PMFBP1: variants seen among roughly 807,000 people sequenced by gnomAD.
PMFBP1 encodes polyamine modulated factor 1 binding protein 1.
PMFBP1 carries 131 observed loss-of-function variants against 137.8 expected under a neutral mutation model. The observed-to-expected ratio is 0.95, with a 90% confidence interval of 0.82 to 1.10. The LOEUF is 1.10. Among genes scored for constraint, PMFBP1 ranks in the 50% least tolerant of loss-of-function variants. PMFBP1 has a pLI of 0.00. For missense variants in PMFBP1, 1,199 were observed against 1,175.4 expected (o/e 1.02, Z -0.29); for synonymous variants, 490 against 450.4 (o/e 1.09, Z -1.11).
intron 4 of PMFBP1, among the ~76,000 whole-genome samples, chr16:72,153,381 CTT>C (rs2042931869): frequency 6.6e-6 from 1 of 152,218 alleles, no homozygotes; most frequent in Admixed American, 6.5e-5. Flanking sequence ...CCAAAACACT[CTT>C]TGAAATTTTT....
intron 2 of PMFBP1, among the ~76,000 whole-genome samples, chr16:72,169,095 A>C (rs2144523061): frequency 1.3e-5 from 2 of 152,308 alleles, no homozygotes; most frequent in Middle Eastern, 3.4e-3. Context: ...GCATTTCAAC[A>C]TGAAAATCGG....
chr16:72,154,955 C>T (rs2042959620), intron 3 of PMFBP1, among the ~76,000 whole-genome samples: 1 of 152,126 alleles, frequency 6.6e-6, no homozygotes, highest in Non-Finnish European at 1.5e-5. Context: ...TGTTCAGGTA[C>T]ATCTGGGCAC....
At chr16:72,186,719 T>C in the PMFBP1 span, among the ~76,000 whole-genome samples, 2 of 151,912 alleles carry the variant, frequency 1.3e-5, no homozygotes, top group Non-Finnish European at 2.9e-5. Context: ...TTGAGCAGAG[T>C]GATAGGTGTG....
At chr16:72,227,781 T>C in the PMFBP1 span, among the ~76,000 whole-genome samples, 3 of 152,208 alleles carry the variant, frequency 2.0e-5, no homozygotes, top group African/African-American at 4.8e-5. Context: ...CTGCAAAATA[T>C]TGATAATATT....
chr16:72,168,864 T>C (rs1356476581), intron 2 of PMFBP1, among the ~76,000 whole-genome samples: 3 of 152,184 alleles, frequency 2.0e-5, no homozygotes, highest in Non-Finnish European at 2.9e-5. Context: ...CTGAAGCAAA[T>C]TTTCTGTATT....
chr16:72,228,435 A>G, the PMFBP1 span, among the ~76,000 whole-genome samples: 1 of 152,180 alleles, frequency 6.6e-6, no homozygotes, highest in African/African-American at 2.4e-5. Context: ...AATGGACTCC[A>G]TCTGCACATC....
intron 5 of PMFBP1, among the ~76,000 whole-genome samples, chr16:72,143,943 A>G (rs2042763016): frequency 6.6e-6 from 1 of 152,142 alleles, no homozygotes; most frequent in Non-Finnish European, 1.5e-5. Context: ...CGGGAGGCTG[A>G]GGCAGGAGAA....
chr16:72,161,753 T>C (rs2043065868), intron 3 of PMFBP1, among the ~76,000 whole-genome samples: 1 of 152,186 alleles, frequency 6.6e-6, no homozygotes, highest in African/African-American at 2.4e-5. Flanking sequence ...CACCAGTTTT[T>C]CCACTAACGT....
intron 2 of PMFBP1, among the ~76,000 whole-genome samples, chr16:72,170,219 T>A (rs1395378889): frequency 6.6e-6 from 1 of 151,198 alleles, no homozygotes; most frequent in Non-Finnish European, 1.5e-5. Flanking sequence ...AGAAAATCCA[T>A]ACGAGATCCT....
chr16:72,151,200 G>A (rs1036185849), intron 4 of PMFBP1, among the ~76,000 whole-genome samples: 2 of 152,158 alleles, frequency 1.3e-5, no homozygotes, highest in Non-Finnish European at 2.9e-5. Context: ...ATTCTCTAGA[G>A]GTTGAACTTA....
At chr16:72,198,253 G>C in the PMFBP1 span, among the ~76,000 whole-genome samples, 1 of 152,108 alleles carries the variant, frequency 6.6e-6, no homozygotes, top group Non-Finnish European at 1.5e-5. Flanking sequence ...ACACATCATA[G>C]AGTGAGGCCA....
chr16:72,228,239 C>T, the PMFBP1 span, among the ~76,000 whole-genome samples: 3 of 152,164 alleles, frequency 2.0e-5, no homozygotes, highest in African/African-American at 7.2e-5. Context: ...GCTAAGGCTA[C>T]TCTGAACACA....
the PMFBP1 span, among the ~76,000 whole-genome samples, chr16:72,236,791 G>C: frequency 2.6e-5 from 4 of 152,204 alleles, no homozygotes; most frequent in Admixed American, 2.0e-4. Context: ...CAAAGAGACA[G>C]TCATCTCATA....
chr16:72,155,356 G>T (rs2042965645), intron 3 of PMFBP1, among the ~76,000 whole-genome samples: 1 of 152,116 alleles, frequency 6.6e-6, no homozygotes. Context: ...TTTAAATCCT[G>T]CTCTCCTTCC....
chr16:72,167,828 T>TC (rs2043167033), intron 2 of PMFBP1, among the ~76,000 whole-genome samples: 1 of 152,220 alleles, frequency 6.6e-6, no homozygotes. Context: ...ACCAGATTGT[T>TC]CCCCATGGAG....
intron 10 of PMFBP1, among the ~76,000 whole-genome samples, chr16:72,131,573 C>G (rs979209095): frequency 6.6e-6 from 1 of 152,022 alleles, no homozygotes; most frequent in African/African-American, 2.4e-5. Flanking sequence ...AGAAAGGGAG[C>G]TACACAGAGG....
chr16:72,197,225 A>C, the PMFBP1 span, among the ~76,000 whole-genome samples: 3 of 152,184 alleles, frequency 2.0e-5, no homozygotes, highest in Admixed American at 6.5e-5. Flanking sequence ...GTAATTGGGC[A>C]CCTATGGTCA....
chr16:72,242,982 G>C, the PMFBP1 span, among the ~76,000 whole-genome samples: 6 of 152,232 alleles, frequency 3.9e-5, no homozygotes, highest in African/African-American at 1.4e-4. Flanking sequence ...TCGTCAGCAT[G>C]ACTGCAAGCC....
the PMFBP1 span, among the ~76,000 whole-genome samples, chr16:72,193,326 G>C: frequency 6.6e-6 from 1 of 152,002 alleles, no homozygotes; most frequent in Admixed American, 6.6e-5. Context: ...TGAGTTTGAG[G>C]CTAAAGTGAA....
Sources: allele counts gnomAD v4.1 joint callset (sites outside exome capture counted in the v4.1 genomes callset), GRCh38; gene constraint gnomAD v4.1.1; transcripts MANE v1.5; gene names NCBI Gene and HGNC (gene_info 2026-07-23, HGNC 2026-07-21).